Variants in ITGA1 observed in about 807,000 individuals in gnomAD.
The protein encoded by ITGA1 is integrin subunit alpha 1, also known as integrin alpha-1.
In ITGA1, 85 loss-of-function variants were observed where a neutral mutation model predicts 145.9. The ratio of observed to expected loss-of-function variants is 0.58; its 90% CI spans 0.49 to 0.70. The LOEUF is 0.70. Ranked by LOEUF, ITGA1 falls within the 30% of genes least tolerant of loss-of-function variation. ITGA1 has a pLI of 0.00. For missense variants in ITGA1, 1,351 were observed against 1,418.7 expected (o/e 0.95, Z 0.77); for synonymous variants, 520 against 495.3 (o/e 1.05, Z -0.66).
At chr5:52,845,024 G>A (rs1248303573) in intron 1 of ITGA1, among the ~76,000 whole-genome samples, 1 of 152,098 alleles carries the variant, frequency 6.6e-6, no homozygotes, top group East Asian at 1.9e-4. Context: ...AAAAGAGTCT[G>A]ATTTACAATC....
intron 7 of ITGA1, among the ~76,000 whole-genome samples, chr5:52,884,027 T>C (rs1484444414): frequency 1.3e-5 from 2 of 152,200 alleles, no homozygotes; most frequent in African/African-American, 2.4e-5. Context: ...AATTAGGAAG[T>C]TTTAGTGACC....
chr5:52,831,215 C>T (rs1231382762), intron 1 of ITGA1, among the ~76,000 whole-genome samples: 1 of 152,076 alleles, frequency 6.6e-6, no homozygotes, highest in Non-Finnish European at 1.5e-5. Context: ...TCACTGCAAC[C>T]TCTGCCTCCT....
chr5:52,909,506 A>G (rs1186693649), intron 13 of ITGA1, among the ~76,000 whole-genome samples: 1 of 152,184 alleles, frequency 6.6e-6, no homozygotes, highest in Non-Finnish European at 1.5e-5. Context: ...CTGACTTTAG[A>G]CATCATTTTT....
intron 6 of ITGA1, among the ~76,000 whole-genome samples, chr5:52,867,893 C>A (rs1427243650): frequency 6.6e-6 from 1 of 151,928 alleles, no homozygotes; most frequent in Non-Finnish European, 1.5e-5. Flanking sequence ...AGCTTCAGAG[C>A]CAGTACCATC....
At chr5:52,891,387 G>T (rs1200427761) in intron 8 of ITGA1, among the ~76,000 whole-genome samples, 1 of 150,268 alleles carries the variant, frequency 6.7e-6, no homozygotes. Context: ...TATGTACTGT[G>T]TGTTTAGCTT....
chr5:52,945,862 A>T (rs1751127194), intron 27 of ITGA1, among the ~76,000 whole-genome samples: 1 of 152,240 alleles, frequency 6.6e-6, no homozygotes, highest in Admixed American at 6.5e-5. Context: ...AGGAAAATAC[A>T]TGCATATAAT....
intron 14 of ITGA1, among the ~76,000 whole-genome samples, chr5:52,911,010 A>ATATATAGTATG (rs1204073788): frequency 1.2e-3 from 19 of 16,354 alleles, no homozygotes; most frequent in Admixed American, 9.2e-3. Context: ...TGTATACTGT[A>ATATATAGTATG]TATACTATAT....
intron 3 of ITGA1, among the ~76,000 whole-genome samples, chr5:52,861,863 C>T (rs988141518): frequency 1.3e-5 from 1 of 75,992 alleles, no homozygotes; most frequent in African/African-American, 5.9e-5. Context: ...GAGTGAGACC[C>T]TGTCTCAAAA....
intron 14 of ITGA1, among the ~76,000 whole-genome samples, chr5:52,912,215 T>C (rs1364067206): frequency 1.4e-5 from 2 of 144,154 alleles, no homozygotes; most frequent in African/African-American, 2.5e-5. Flanking sequence ...TATATAGATA[T>C]GATATATATA....
chr5:52,944,523 G>A lies in ITGA1; in HGVS notation c.3286-420G>A, dbSNP rs547467212. ...ACTTGATAATTTGGGATCTCTTAGTGGGAGAGATGGCTGTGTCTAGTTAGC... is the reference window on the plus strand; with the variant it reads ...ACTTGATAATTTGGGATCTCTTAGTAGGAGAGATGGCTGTGTCTAGTTAGC... On this transcript the variant is annotated intron_variant, in intron 26 of 28. Transcript: ENST00000282588. 8.0e-4 allele frequency among the ~76,000 whole-genome samples: 121 copies of A among 152,190 alleles called. 1 individual carries two copies. The highest frequency in any genetic ancestry group is 2.7e-3 in the African/African-American group (112 of 41,522).
chr5:52,811,107 A>T (rs1239895399), intron 1 of ITGA1, among the ~76,000 whole-genome samples: 2 of 152,222 alleles, frequency 1.3e-5, no homozygotes, highest in African/African-American at 4.8e-5. Flanking sequence ...TATTTGCTAC[A>T]GTTACCAAAG....
At chr5:52,819,007 G>C (rs892963384) in intron 1 of ITGA1, among the ~76,000 whole-genome samples, 1 of 152,076 alleles carries the variant, frequency 6.6e-6, no homozygotes. Flanking sequence ...ATGCCCTTGG[G>C]AACACACATC....
intron 12 of ITGA1, among the ~76,000 whole-genome samples, chr5:52,907,440 C>G (rs1024542035): frequency 1.3e-5 from 2 of 151,956 alleles, no homozygotes; most frequent in Non-Finnish European, 2.9e-5. Flanking sequence ...TAATTGTATA[C>G]AAGACAAGAA....
At chr5:52,831,004 GT>G (rs1749052743) in intron 1 of ITGA1, among the ~76,000 whole-genome samples, 1 of 152,120 alleles carries the variant, frequency 6.6e-6, no homozygotes, top group African/African-American at 2.4e-5. Context: ...CCTGCATCAT[GT>G]TTTCATCCTG....
chr5:52,921,249 C>T lies in ITGA1; in HGVS notation c.2292+781C>T, dbSNP rs530175885. Among the ~76,000 whole-genome samples, 11 of 152,180 alleles carry T rather than the reference C, an allele frequency of 7.2e-5. 1 individual carries two copies. The highest frequency in any genetic ancestry group is 6.2e-4 in the South Asian group (3 of 4,818). On this transcript the variant is annotated intron_variant, in intron 17 of 28. Coordinates refer to ENST00000282588, the MANE Select transcript of ITGA1 (RefSeq NM_181501.2). ...CTGACATTAAGACTTAGAGACTTGA[C>T]GGTAAACTTGGAGCTTTAAAGGAAC...
chr5:52,940,331 T>C (rs1038282868), intron 26 of ITGA1, among the ~76,000 whole-genome samples: 2 of 152,116 alleles, frequency 1.3e-5, no homozygotes, highest in African/African-American at 4.8e-5. Context: ...AGCTAACATA[T>C]ACCATAGACT....
intron 1 of ITGA1, among the ~76,000 whole-genome samples, chr5:52,808,676 C>CTTTTTTTTT (rs60113844): frequency 0.011 from 794 of 69,258 alleles, no homozygotes; most frequent in Middle Eastern, 0.029. Flanking sequence ...TTCTTTCTTT[C>CTTTTTTTTT]TTTTTTTTTT....
rs137882735 is a variant in ITGA1 at position 52,829,017 on chromosome 5, G to A, written c.62-20348G>A. On this transcript the variant is annotated intron_variant, in intron 1 of 28. Transcript: ENST00000282588. ...TAAGATTACCAGTCATTGAATTTTG[G>A]CCCCACCATAAAAAACAGGATGATC... Among the ~76,000 whole-genome samples the A allele has an allele frequency of 8.8e-4, 133 of 151,980 alleles. 1 individual carries two copies. The highest frequency in any genetic ancestry group is 3.1e-3 in the African/African-American group (128 of 41,424).
At chr5:52,927,489 C>A in intron 19 of ITGA1, 95 bp from the exon 20 acceptor site, 1 of 746,974 alleles carries the variant, frequency 1.3e-6, no homozygotes, top group Non-Finnish European at 2.2e-6. Flanking sequence ...AGTGGCAAGG[C>A]AGTCACCAAG....
Sources: allele counts gnomAD v4.1 joint callset (sites outside exome capture counted in the v4.1 genomes callset), GRCh38; gene constraint gnomAD v4.1.1; transcripts MANE v1.5; gene names NCBI Gene and HGNC (gene_info 2026-07-23, HGNC 2026-07-21).